Variants in VCAN observed in about 807,000 individuals in gnomAD.
VCAN encodes the protein versican core protein.
VCAN carries 44 observed loss-of-function variants against 245.5 expected under a neutral mutation model. That is an observed-to-expected ratio of 0.18 (90% CI 0.14 to 0.23). The LOEUF (loss-of-function observed/expected upper bound fraction) is 0.23. Among genes scored for constraint, VCAN ranks in the 10% least tolerant of loss-of-function variants. VCAN has a pLI of 1.00. For missense variants in VCAN, 3,793 were observed against 4,057.9 expected (o/e 0.93, Z 1.77); for synonymous variants, 1,413 against 1,437.0 (o/e 0.98, Z 0.38).
rs142959032 is a variant in VCAN at position 83,497,408 on chromosome 5, G to T, written c.748+3477G>T. 5.0e-4 allele frequency among the ~76,000 whole-genome samples: 76 copies of T among 152,160 alleles called. No homozygotes were observed. In the East Asian group the frequency reaches 0.013, roughly 26 times the overall value. On this transcript the variant is annotated intron_variant, in intron 5 of 14. Transcript: ENST00000265077. ...AATCTAGTAGGGTTCTTTTTCTAAGGTGGTGATTATAACAGTTATGCATAT... is the reference window on the plus strand; with the variant it reads ...AATCTAGTAGGGTTCTTTTTCTAAGTTGGTGATTATAACAGTTATGCATAT...
chr5:83,549,191 C>T (rs1409101121), intron 10 of VCAN, among the ~76,000 whole-genome samples: 3 of 152,164 alleles, frequency 2.0e-5, no homozygotes. Flanking sequence ...GTTCCAAGTA[C>T]AAGAAGCAAT....
intron 1 of VCAN, among the ~76,000 whole-genome samples, chr5:83,481,273 C>T (rs1744604987): frequency 7.2e-6 from 1 of 138,470 alleles, no homozygotes; most frequent in South Asian, 2.2e-4. Context: ...GAGACGGAGT[C>T]TCGCTCTGTC....
chr5:83,489,358 T>G (rs1744893005), intron 2 of VCAN, among the ~76,000 whole-genome samples: 1 of 152,226 alleles, frequency 6.6e-6, no homozygotes, highest in South Asian at 2.1e-4. Flanking sequence ...CTGTAGTCAA[T>G]ATATTCTTTA....
intron 2 of VCAN, among the ~76,000 whole-genome samples, chr5:83,484,316 A>G (rs1744718939): frequency 6.6e-6 from 1 of 152,034 alleles, no homozygotes; most frequent in Non-Finnish European, 1.5e-5. Context: ...TTACCCCTCC[A>G]TCCATCCATC....
intron 9 of VCAN, among the ~76,000 whole-genome samples, chr5:83,547,096 G>T (rs776154328): frequency 6.6e-6 from 1 of 152,144 alleles, no homozygotes; most frequent in Non-Finnish European, 1.5e-5. Context: ...TGACAGCCTC[G>T]ATCCAGGTAT....
At chr5:83,550,581 A>T (rs1041168467) in intron 10 of VCAN, among the ~76,000 whole-genome samples, 2 of 152,130 alleles carry the variant, frequency 1.3e-5, no homozygotes, top group African/African-American at 4.8e-5. Flanking sequence ...TATTTGTTGA[A>T]TTCATGAATA....
intron 13 of VCAN, among the ~76,000 whole-genome samples, chr5:83,575,575 C>T (rs773094828): frequency 5.3e-5 from 8 of 152,166 alleles, no homozygotes; most frequent in Non-Finnish European, 1.2e-4. Flanking sequence ...GAGCTATTGA[C>T]ATTTTTGGTC....
chr5:83,523,980 A>G (rs1746196724), intron 7 of VCAN, among the ~76,000 whole-genome samples: 1 of 152,194 alleles, frequency 6.6e-6, no homozygotes, highest in Admixed American at 6.5e-5. Context: ...AAATGCTTGA[A>G]TGGATATGCA....
intron 12 of VCAN, among the ~76,000 whole-genome samples, chr5:83,566,252 C>T (rs143731468): frequency 2.9e-4 from 44 of 152,272 alleles, no homozygotes; most frequent in African/African-American, 1.0e-3. Flanking sequence ...TGAGCCACCA[C>T]ACCTGGCCCT....
chr5:83,541,483 C>A lies in VCAN; in HGVS notation c.8480C>A (p.Ser2827Tyr), dbSNP rs955434648. 1 of 1,614,096 alleles carries A rather than the reference C, an allele frequency of 6.2e-7. No homozygotes were observed. Among genetic ancestry groups the A allele is most frequent in the Admixed American group, 1.7e-5 (1 of 60,014 alleles). ...FAKLSSQTPSSPLTIYSGSEA... is the reference protein window; with the variant it reads ...FAKLSSQTPSYPLTIYSGSEA... ...AAGTTGTCTTCTCAGACACCATCATCTCCCCTCACTATCTACTCAGGCAGT... is the reference window on the plus strand; with the variant it reads ...AAGTTGTCTTCTCAGACACCATCATATCCCCTCACTATCTACTCAGGCAGT... The change falls in exon 8 of 15, where the codon TCT becomes TAT. Residue 2827 changes from serine to tyrosine, a missense_variant. Transcript: ENST00000265077.
chr5:83,483,565 T>C lies in VCAN; in HGVS notation c.47T>C (p.Ile16Thr), dbSNP rs1367479916. Residue 16 changes from isoleucine (I) to threonine (T), a missense_variant, in exon 2 of 15, where the codon ATA becomes ACA. Transcript: ENST00000265077. ...ATCTTATGGATGTGTTCAACCTTAA[T>C]AGTAACCCATGCGCTACATAAAGGT... Reference protein sequence around the residue: ...KSILWMCSTLIVTHALHKVKV... With the variant: ...KSILWMCSTLTVTHALHKVKV... 6.2e-7 allele frequency: 1 copy of C among 1,613,540 alleles called. No homozygotes were observed. Among genetic ancestry groups the C allele is most frequent in the Non-Finnish European group, 8.5e-7 (1 of 1,179,636 alleles).
chr5:83,553,328 T>G, intron 10 of VCAN, 36 bp from the exon 11 acceptor site: 1 of 1,613,374 alleles, frequency 6.2e-7, no homozygotes, highest in Non-Finnish European at 8.5e-7. Context: ...GAATGACGTA[T>G]GTGCGTTTAA....
chr5:83,472,486 AG>A (rs1744231355), intron 1 of VCAN, among the ~76,000 whole-genome samples: 1 of 152,144 alleles, frequency 6.6e-6, no homozygotes, highest in Non-Finnish European at 1.5e-5. Context: ...GCCTTGGTGC[AG>A]GCCACCTGGT....
At position 83,540,421 on chromosome 5, in the gene VCAN, G is replaced by T. The variant is rs1746924725; in HGVS notation, c.7418G>T (p.Ser2473Ile). 6.2e-7 allele frequency: 1 copy of T among 1,613,896 alleles called. No homozygotes were observed. The highest frequency in any genetic ancestry group is 1.3e-5 in the African/African-American group (1 of 74,924). The change falls in exon 8 of 15, where the codon AGC (serine) becomes ATC (isoleucine). Residue 2473 changes from serine to isoleucine, a missense_variant. Physicochemically the swap from Ser to Ile is moderately radical, Grantham distance 142. This residue lies in a region of VCAN where 3,182 missense variants were observed against 3,250.3 expected (regional missense o/e 0.98). Coordinates refer to ENST00000265077, the MANE Select transcript of VCAN (RefSeq NM_004385.5). ...CTGGAAAAACATCCTGAGGTGCCAA[G>T]CGCTAAAGCTGTTACTGCTGATGGA... The part of the protein sequence containing the change: ...GSLEKHPEVP[S>I]AKAVTADGFP...
At chr5:83,513,455 T>C (rs1745735460) in intron 6 of VCAN, among the ~76,000 whole-genome samples, 2 of 152,348 alleles carry the variant, frequency 1.3e-5, no homozygotes, top group South Asian at 4.1e-4. Flanking sequence ...ACTGTGATGT[T>C]CTAGGTAGTC....
intron 2 of VCAN, among the ~76,000 whole-genome samples, chr5:83,485,177 CA>C (rs1454272724): frequency 7.9e-5 from 12 of 152,272 alleles, no homozygotes; most frequent in African/African-American, 2.6e-4. Flanking sequence ...CGCCCATACC[CA>C]GTAAGAAGCA....
intron 1 of VCAN, among the ~76,000 whole-genome samples, chr5:83,481,775 A>C (rs554624614): frequency 2.0e-5 from 3 of 152,332 alleles, no homozygotes; most frequent in Non-Finnish European, 2.9e-5. Flanking sequence ...TGTTTTGAAA[A>C]GGTCTAATTC....
Position 83,492,081 on chromosome 5 carries a change from T to C in VCAN, c.446-1465T>C, listed in dbSNP as rs115790019. On this transcript the variant is annotated intron_variant, in intron 3 of 14. Transcript: ENST00000265077. ...TCATAAAATATCAGAAATGAGAAAA[T>C]GAATGCCAGTTGTCATTGCATCTAC... Among the ~76,000 whole-genome samples, 315 of 152,120 alleles carry C rather than the reference T, an allele frequency of 2.1e-3. 1 individual carries two copies. Among genetic ancestry groups the C allele is most frequent in the African/African-American group, 7.3e-3 (304 of 41,492 alleles).
In VCAN at chr5:83,539,411, A is replaced by G. The variant is rs969514282; in HGVS notation, c.6408A>G (p.Glu2136=). The change falls in exon 8 of 15, where the codon GAA becomes GAG. Residue 2136 remains glutamate, a synonymous_variant. Transcript: ENST00000265077. ...CCCCTCAAAACTCTCCTGCAACAGA[A>G]CAAACAATCTTTGATTCACAGACAT... ...FESPQNSPAT[E]QTIFDSQTFT... The G allele has an allele frequency of 3.1e-6, 5 of 1,613,800 alleles. No homozygotes were observed. The highest frequency in any genetic ancestry group is 2.7e-5 in the African/African-American group (2 of 74,900).
Sources: allele counts gnomAD v4.1 joint callset (sites outside exome capture counted in the v4.1 genomes callset), GRCh38; gene constraint gnomAD v4.1.1; regional missense constraint gnomAD v4.1.1; transcripts MANE v1.5; gene names NCBI Gene and HGNC (gene_info 2026-07-23, HGNC 2026-07-21).